ARB2A: variants seen among roughly 807,000 people sequenced by gnomAD.
The protein encoded by ARB2A is ARB2 cotranscriptional regulator A.
the ARB2A span, among the ~76,000 whole-genome samples, chr5:93,983,376 T>C: frequency 1.3e-5 from 2 of 152,290 alleles, no homozygotes; most frequent in Middle Eastern, 3.4e-3. Flanking sequence ...GGCTTATACA[T>C]TTTAAAAGAA....
At chr5:93,853,782 C>T in the ARB2A span, among the ~76,000 whole-genome samples, 4 of 152,246 alleles carry the variant, frequency 2.6e-5, no homozygotes, top group African/African-American at 9.6e-5. Flanking sequence ...GTATATTGAA[C>T]CAGCCTTGCA....
At chr5:93,983,358 GAA>G in the ARB2A span, among the ~76,000 whole-genome samples, 1 of 152,090 alleles carries the variant, frequency 6.6e-6, no homozygotes, top group Non-Finnish European at 1.5e-5. Context: ...AGAAAATACT[GAA>G]AGAGTGGCTT....
chr5:93,828,873 T>C, the ARB2A span, among the ~76,000 whole-genome samples: 1 of 152,208 alleles, frequency 6.6e-6, no homozygotes, highest in East Asian at 1.9e-4. Flanking sequence ...GCTTCCCAGG[T>C]TCAAGCGATT....
chr5:93,628,281 C>T, the ARB2A span, among the ~76,000 whole-genome samples: 4 of 152,030 alleles, frequency 2.6e-5, no homozygotes, highest in Non-Finnish European at 5.9e-5. Context: ...GATCTCTTGA[C>T]TTCATGATCC....
the ARB2A span, among the ~76,000 whole-genome samples, chr5:93,854,957 G>A: frequency 2.0e-5 from 3 of 152,304 alleles, no homozygotes; most frequent in South Asian, 4.1e-4. Flanking sequence ...GGAGAGTTCT[G>A]TAGATGTCTA....
chr5:94,011,016 A>ACC, the ARB2A span, among the ~76,000 whole-genome samples: 1 of 152,234 alleles, frequency 6.6e-6, no homozygotes, highest in Non-Finnish European at 1.5e-5. Context: ...TCAGAGAACA[A>ACC]CTGGCAAAAA....
chr5:93,807,821 G>T, the ARB2A span, among the ~76,000 whole-genome samples: 60 of 151,372 alleles, frequency 4.0e-4, no homozygotes, highest in African/African-American at 1.4e-3. Context: ...AAATTAGGGG[G>T]AAAAAAAAGC....
the ARB2A span, among the ~76,000 whole-genome samples, chr5:93,933,841 C>CA: frequency 2.0e-5 from 3 of 151,828 alleles, no homozygotes; most frequent in South Asian, 4.2e-4. Flanking sequence ...AAAAAACAAA[C>CA]AAAAAAATAT....
chr5:93,690,830 C>T, the ARB2A span, among the ~76,000 whole-genome samples: 1 of 152,100 alleles, frequency 6.6e-6, no homozygotes, highest in Non-Finnish European at 1.5e-5. Context: ...TGGGATGAAG[C>T]TTCCAGAGGA....
chr5:93,898,095 A>T, the ARB2A span, among the ~76,000 whole-genome samples: 1 of 151,888 alleles, frequency 6.6e-6, no homozygotes, highest in Non-Finnish European at 1.5e-5. Context: ...CCCATCTCCT[A>T]CCCCTGACAA....
chr5:93,781,967 G>A, the ARB2A span: 46 of 977,486 alleles, frequency 4.7e-5, no homozygotes, highest in Non-Finnish European at 5.6e-5. Flanking sequence ...TAGGAAATAA[G>A]AAAGGAGAAA....
At chr5:93,696,374 T>C in the ARB2A span, among the ~76,000 whole-genome samples, 4 of 152,328 alleles carry the variant, frequency 2.6e-5, no homozygotes, top group Admixed American at 6.5e-5. Flanking sequence ...CTAGTTGAAA[T>C]AGTCTTCTTC....
At chr5:94,072,098 T>C in the ARB2A span, among the ~76,000 whole-genome samples, 13,853 of 152,168 alleles carry the variant, frequency 0.091, 791 homozygotes, top group Middle Eastern at 0.16. Flanking sequence ...ATTATACTTA[T>C]TGAAGAAAGC....
At chr5:93,757,686 A>C in the ARB2A span, among the ~76,000 whole-genome samples, 1 of 152,186 alleles carries the variant, frequency 6.6e-6, no homozygotes, top group Admixed American at 6.5e-5. Context: ...AGAATTCTCC[A>C]TTACCAAGCT....
the ARB2A span, among the ~76,000 whole-genome samples, chr5:93,779,444 C>T: frequency 6.6e-6 from 1 of 152,128 alleles, no homozygotes; most frequent in African/African-American, 2.4e-5. Flanking sequence ...GAGATGAACA[C>T]TACCAAAGTG....
chr5:93,851,137 A>T, the ARB2A span, among the ~76,000 whole-genome samples: 9 of 152,222 alleles, frequency 5.9e-5, no homozygotes, highest in African/African-American at 1.9e-4. Flanking sequence ...GACAGATAAA[A>T]TGAAACCTGG....
the ARB2A span, among the ~76,000 whole-genome samples, chr5:93,925,189 C>T: frequency 2.1e-4 from 32 of 151,968 alleles, no homozygotes; most frequent in East Asian, 3.9e-3. Flanking sequence ...AGAATGATGA[C>T]GAACAATTAC....
chr5:93,911,319 T>C, the ARB2A span, among the ~76,000 whole-genome samples: 2 of 151,732 alleles, frequency 1.3e-5, no homozygotes, highest in African/African-American at 4.8e-5. Flanking sequence ...TCCTTTGTAG[T>C]AATATATCGG....
chr5:93,964,598 G>T, the ARB2A span: 2 of 1,040,520 alleles, frequency 1.9e-6, no homozygotes, highest in Non-Finnish European at 2.8e-6. Context: ...TTGGTAAATT[G>T]TTGCAAGTTA....
Sources: allele counts gnomAD v4.1 joint callset (sites outside exome capture counted in the v4.1 genomes callset), GRCh38; gene constraint gnomAD v4.1.1; transcripts MANE v1.5; gene names NCBI Gene and HGNC (gene_info 2026-07-23, HGNC 2026-07-21).